CFAP100: variants seen among roughly 807,000 people sequenced by gnomAD.
CFAP100 encodes the protein cilia and flagella associated protein 100, also known as cilia- and flagella-associated protein 100.
Under a neutral mutation model 81.5 loss-of-function variants are expected in CFAP100, and 70 were observed. The observed-to-expected ratio is 0.86, with a 90% CI of 0.71 to 1.05. The LOEUF (loss-of-function observed/expected upper bound fraction) is 1.05, where lower values mean the gene tolerates loss of function less well. Ranked by LOEUF, CFAP100 falls within the 50% of genes least tolerant of loss-of-function variation. The pLI, the probability that CFAP100 is intolerant of heterozygous loss-of-function variation, is 0.00. For synonymous variants in CFAP100, 341 were observed against 314.8 expected (o/e 1.08, Z -0.88); for missense variants, 811 against 776.5 (o/e 1.04, Z -0.53).
At chr3:126,411,575 T>C (rs914040583) in intron 3 of CFAP100, among the ~76,000 whole-genome samples, 2 of 152,036 alleles carry the variant, frequency 1.3e-5, no homozygotes, top group African/African-American at 2.4e-5. Flanking sequence ...TTTTAAATTA[T>C]GGATTCAATC....
chr3:126,402,360 A>C (rs2082998753), intron 2 of CFAP100, among the ~76,000 whole-genome samples: 1 of 152,232 alleles, frequency 6.6e-6, no homozygotes, highest in Admixed American at 6.5e-5. Flanking sequence ...TGCACCACGC[A>C]GGGCTGTGCG....
rs1484359046 is a variant in CFAP100 at position 126,433,391 on chromosome 3, T to G, written c.1422+187T>G. 1.4e-5 allele frequency: 9 copies of G among 630,620 alleles called. No individual in the cohort carries two copies. In the East Asian group the frequency reaches 2.2e-4, roughly 16 times the overall value. The allele number at this position is 630,620 out of a possible 1,614,324, so 39.1% of individuals were successfully genotyped here. A position where few individuals can be genotyped will look rare whatever the true frequency, so the allele number is the denominator to read the frequency against. ...TTGATGCCTGTGCCAGCCAGCTTGG[T>G]TGCCCCCACGCCTCATCCATTGCTT... On this transcript the variant is annotated intron_variant, in intron 14 of 16. Transcript: ENST00000352312.
intron 5 of CFAP100, 169 bp downstream of exon 5, chr3:126,416,677 C>G (rs1052789892): frequency 3.6e-6 from 2 of 558,158 alleles, no homozygotes; most frequent in African/African-American, 3.9e-5. Flanking sequence ...AGGGGGGTCC[C>G]AAAGCTCTAT....
intron 4 of CFAP100, among the ~76,000 whole-genome samples, chr3:126,416,032 G>A (rs535220164): frequency 1.9e-4 from 29 of 152,312 alleles, no homozygotes; most frequent in African/African-American, 6.5e-4. Flanking sequence ...GAGAAAATGA[G>A]ACATCATCTT....
chr3:126,395,724 C>T (rs1191889347), intron 1 of CFAP100, among the ~76,000 whole-genome samples: 6 of 152,180 alleles, frequency 3.9e-5, no homozygotes, highest in African/African-American at 2.4e-5. Flanking sequence ...AATGCAAAGG[C>T]TTGAGGCCAA....
intron 3 of CFAP100, among the ~76,000 whole-genome samples, chr3:126,409,132 C>T (rs530323159): frequency 3.3e-5 from 5 of 152,260 alleles, no homozygotes; most frequent in African/African-American, 7.2e-5. Context: ...GTTTCCTCCA[C>T]CCTATGAAGA....
chr3:126,431,400 C>T (rs957783075), intron 13 of CFAP100, among the ~76,000 whole-genome samples: 2 of 152,204 alleles, frequency 1.3e-5, no homozygotes, highest in African/African-American at 2.4e-5. Flanking sequence ...TTGCTTTCTC[C>T]TTCCCCCAAC....
At chr3:126,406,326 A>T (rs569312545) in intron 2 of CFAP100, among the ~76,000 whole-genome samples, 2 of 152,226 alleles carry the variant, frequency 1.3e-5, no homozygotes, top group Non-Finnish European at 1.5e-5. Context: ...ACCTCATGAG[A>T]AACCCTGTCT....
chr3:126,429,107 CAAAAAAAAAAAAAA>C (rs57773311), intron 13 of CFAP100, among the ~76,000 whole-genome samples: 12 of 95,752 alleles, frequency 1.3e-4, no homozygotes, highest in African/African-American at 2.5e-4. Flanking sequence ...CGTCTCCATC[CAAAAAAAAAAAAAA>C]AAAAAAAAAA....
intron 11 of CFAP100, among the ~76,000 whole-genome samples, chr3:126,421,061 G>A (rs2083323486): frequency 6.6e-6 from 1 of 152,160 alleles, no homozygotes; most frequent in African/African-American, 2.4e-5. Flanking sequence ...GGAGTGCAGT[G>A]GTGTGATCTC....
chr3:126,407,247 A>T lies in CFAP100; in HGVS notation c.125A>T (p.Asn42Ile). 6.2e-7 allele frequency: 1 copy of T among 1,613,058 alleles called. No homozygotes were observed. The highest frequency in any genetic ancestry group is 8.5e-7 in the Non-Finnish European group (1 of 1,179,292). Residue 42 changes from asparagine to isoleucine, a missense_variant, in exon 3 of 17, where the codon AAC becomes ATC. Coordinates refer to ENST00000352312, the MANE Select transcript of CFAP100 (RefSeq NM_182628.3). ...AACCCAAAGAAACAGGCAAGAAAAAACGAAGGTAACCTTCAAGCTGGGAGG... is the reference window on the plus strand; with the variant it reads ...AACCCAAAGAAACAGGCAAGAAAAATCGAAGGTAACCTTCAAGCTGGGAGG... ...EENPKKQARK[N>I]EEHGPDPSAN...
At chr3:126,436,110 T>G (rs550552008) in intron 16 of CFAP100, among the ~76,000 whole-genome samples, 181 bp from the exon 17 acceptor site, 1 of 152,190 alleles carries the variant, frequency 6.6e-6, no homozygotes, top group Non-Finnish European at 1.5e-5. Flanking sequence ...GCTTGATAAA[T>G]GCCAGGCAGA....
chr3:126,429,622 G>GTTT (rs56249367), intron 13 of CFAP100, among the ~76,000 whole-genome samples: 147 of 145,678 alleles, frequency 1.0e-3, no homozygotes, highest in African/African-American at 2.5e-3. Flanking sequence ...TCTACTGTAG[G>GTTT]TTTTTTTTTT....
intron 2 of CFAP100, among the ~76,000 whole-genome samples, chr3:126,405,814 G>T (rs2083054193): frequency 1.3e-5 from 2 of 152,076 alleles, no homozygotes; most frequent in Non-Finnish European, 2.9e-5. Context: ...TAGAGACAGG[G>T]TCTCACCCTG....
chr3:126,410,803 C>T (rs9828868), intron 3 of CFAP100, among the ~76,000 whole-genome samples: 71,721 of 152,116 alleles, frequency 0.47, 17,877 homozygotes, highest in African/African-American at 0.64. Flanking sequence ...GTATGTCATC[C>T]GCAGATTTCT....
At chr3:126,423,771 T>A in intron 13 of CFAP100, 127 bp downstream of exon 13, 1 of 1,186,874 alleles carries the variant, frequency 8.4e-7, no homozygotes, top group Non-Finnish European at 1.2e-6. Flanking sequence ...CCAGGTTGTC[T>A]GAAAAGCTCC....
In CFAP100 at chr3:126,419,946, G is replaced by A. The variant is rs111320520; in HGVS notation, c.914-34G>A. On this transcript the variant is annotated intron_variant, in intron 9 of 16. Transcript: ENST00000352312. ...GCGTTGCTGAAGCTTGGCTGCAGCT[G>A]AGGCCATCGGGGCCCCCCCTTTGCT... 2.2e-5 allele frequency: 36 copies of A among 1,612,808 alleles called. 1 individual carries two copies. In the African/African-American group the frequency reaches 3.5e-4, roughly 16 times the overall value.
chr3:126,428,352 TAGAGGGAG>T (rs1315179822), intron 13 of CFAP100, among the ~76,000 whole-genome samples: 1 of 146,746 alleles, frequency 6.8e-6, no homozygotes, highest in African/African-American at 2.5e-5. Context: ...ACCAGGGACT[TAGAGGGAG>T]AGAGGGATAA....
At chr3:126,418,015 ACTCAGCC>A in intron 5 of CFAP100, 1 of 181,132 alleles carries the variant, frequency 5.5e-6, no homozygotes. Flanking sequence ...GGCAGTGTAG[ACTCAGCC>A]TCTGCCCAGT....
Sources: allele counts gnomAD v4.1 joint callset (sites outside exome capture counted in the v4.1 genomes callset), GRCh38; gene constraint gnomAD v4.1.1; transcripts MANE v1.5; gene names NCBI Gene and HGNC (gene_info 2026-07-23, HGNC 2026-07-21).